ABHD17C: variants seen among roughly 807,000 people sequenced by gnomAD.
The protein encoded by ABHD17C is alpha/beta hydrolase domain-containing protein 17C.
A neutral mutation model predicts 27.9 loss-of-function variants in ABHD17C; 11 were observed. The ratio of observed to expected loss-of-function variants is 0.39; its 90% confidence interval spans 0.25 to 0.65. ABHD17C has a LOEUF of 0.65. Ranked by LOEUF, ABHD17C falls within the 30% of genes least tolerant of loss-of-function variation. The pLI is 0.45. For missense variants in ABHD17C, 280 were observed against 470.2 expected (o/e 0.60, Z 3.74); for synonymous variants, 233 against 209.1 (o/e 1.11, Z -0.98).
chr15:80,707,281 T>G (rs7180491), intron 1 of ABHD17C, among the ~76,000 whole-genome samples: 233 of 152,304 alleles, frequency 1.5e-3, no homozygotes, highest in African/African-American at 5.1e-3. Context: ...TCAATGGACT[T>G]GAAGAACATA....
intron 1 of ABHD17C, 24 bp from the exon 2 acceptor site, chr15:80,749,489 G>A: frequency 6.2e-7 from 1 of 1,609,760 alleles, no homozygotes; most frequent in Non-Finnish European, 8.5e-7. Flanking sequence ...TTAGCTAATG[G>A]CATACAACCT....
intron 1 of ABHD17C, among the ~76,000 whole-genome samples, chr15:80,739,805 G>A (rs534426441): frequency 1.5e-4 from 23 of 152,298 alleles, no homozygotes; most frequent in African/African-American, 5.3e-4. Flanking sequence ...GACCAATACA[G>A]CCCCTGTTGT....
chr15:80,754,317 C>A lies in ABHD17C; in HGVS notation c.937C>A (p.Gln313Lys). Residue 313 changes from glutamine to lysine, a missense_variant, in exon 3 of 3, where the codon CAA becomes AAA. Coordinates refer to ENST00000258884, the MANE Select transcript of ABHD17C (RefSeq NM_021214.2). The stretch of plus-strand genomic sequence containing the variant: ...GCATAATGACATAGAGCTTTATGCA[C>A]AATACCTAGAAAGACTAAAACAGTT... ...AGHNDIELYAQYLERLKQFIS... is the reference protein window; with the variant it reads ...AGHNDIELYAKYLERLKQFIS... 6.2e-7 allele frequency: 1 copy of A among 1,613,914 alleles called. No individual in the cohort carries two copies. The highest frequency in any genetic ancestry group is 8.5e-7 in the Non-Finnish European group (1 of 1,179,862).
intron 1 of ABHD17C, among the ~76,000 whole-genome samples, chr15:80,713,900 CCACACA>C (rs58311304): frequency 0.1 from 14,145 of 141,064 alleles, 1,143 homozygotes; most frequent in East Asian, 0.48. Context: ...CATATACAGA[CCACACA>C]CACACACACA....
chr15:80,706,713 T>C (rs1302885920), intron 1 of ABHD17C, among the ~76,000 whole-genome samples: 1 of 152,202 alleles, frequency 6.6e-6, no homozygotes, highest in Non-Finnish European at 1.5e-5. Context: ...TGGACATAAC[T>C]AAACCCTGTG....
intron 1 of ABHD17C, among the ~76,000 whole-genome samples, chr15:80,706,109 C>A (rs1361617914): frequency 6.6e-6 from 1 of 152,234 alleles, no homozygotes; most frequent in Non-Finnish European, 1.5e-5. Flanking sequence ...ATAGAGTTAA[C>A]CTTCCCTTTT....
chr15:80,698,454 C>G (rs920545345), intron 1 of ABHD17C, among the ~76,000 whole-genome samples: 2 of 152,146 alleles, frequency 1.3e-5, no homozygotes, highest in African/African-American at 4.8e-5. Flanking sequence ...ACACGTTCAC[C>G]CAGCTCATCT....
chr15:80,754,173 A>T lies in ABHD17C; in HGVS notation c.793A>T (p.Thr265Ser), dbSNP rs1232141818. The T allele has an allele frequency of 5.0e-6, 8 of 1,613,582 alleles. No individual in the cohort carries two copies. Among genetic ancestry groups the T allele is most frequent in the Non-Finnish European group, 6.8e-6 (8 of 1,179,810 alleles). Residue 265 changes from threonine (T) to serine (S), a missense_variant, in exon 3 of 3, where the codon ACC becomes TCC. Around this residue, in one of 2 missense-constraint regions of ABHD17C, gnomAD observed 206 missense variants for 394.7 expected, o/e 0.52. Coordinates refer to ENST00000258884, the MANE Select transcript of ABHD17C (RefSeq NM_021214.2). ...CAGCATTGACAAGATATCTAAAGTC[A>T]CCTCTCCTGTGTTGGTCATTCATGG... Reference protein sequence around the residue: ...FPSIDKISKVTSPVLVIHGTE... With the variant: ...FPSIDKISKVSSPVLVIHGTE...
At position 80,698,552 on chromosome 15, in the gene ABHD17C, G is replaced by T. The variant is rs914819835; in HGVS notation, c.590+2533G>T. Among the ~76,000 whole-genome samples the T allele has an allele frequency of 7.2e-5, 11 of 152,270 alleles. 1 individual carries two copies. Among genetic ancestry groups the T allele is most frequent in the East Asian group, 1.9e-4 (1 of 5,184 alleles). On this transcript the variant is annotated intron_variant, in intron 1 of 2. Transcript: ENST00000258884. ...TGCGAGGGCACCATTGCCACGGTAA[G>T]CATATTTATCAGATTCTTCAGGAGG...
chr15:80,724,562 C>T (rs1226634285), intron 1 of ABHD17C, among the ~76,000 whole-genome samples: 1 of 26,632 alleles, frequency 3.8e-5, no homozygotes, highest in Non-Finnish European at 9.8e-5. Context: ...GATAAATTCT[C>T]ATAAGGAAAA....
intron 1 of ABHD17C, among the ~76,000 whole-genome samples, chr15:80,733,151 A>T (rs889596022): frequency 3.3e-5 from 5 of 151,562 alleles, no homozygotes; most frequent in Non-Finnish European, 7.4e-5. Flanking sequence ...TGCAGAGCGT[A>T]CTCTTCTTTC....
At chr15:80,702,868 C>G (rs577256688) in intron 1 of ABHD17C, 16 of 152,226 alleles carry the variant, frequency 1.1e-4, no homozygotes, top group African/African-American at 3.6e-4. Flanking sequence ...AATAGGCTTT[C>G]TAATTTCATC....
chr15:80,728,361 CAG>C (rs1895012113), intron 1 of ABHD17C, among the ~76,000 whole-genome samples: 4 of 152,182 alleles, frequency 2.6e-5, no homozygotes, highest in African/African-American at 7.2e-5. Context: ...TATTCACACA[CAG>C]ATGAGACCTC....
chr15:80,726,656 G>C (rs1894983643), intron 1 of ABHD17C, among the ~76,000 whole-genome samples: 1 of 151,748 alleles, frequency 6.6e-6, no homozygotes, highest in East Asian at 1.9e-4. Context: ...GGGACTACAG[G>C]CACCCACCAC....
chr15:80,753,572 C>G (rs1434042362), intron 2 of ABHD17C, among the ~76,000 whole-genome samples: 1 of 152,046 alleles, frequency 6.6e-6, no homozygotes, highest in Non-Finnish European at 1.5e-5. Context: ...GACAGAGTCT[C>G]ACTCTGTTGC....
chr15:80,744,508 A>G (rs1356942029), intron 1 of ABHD17C, among the ~76,000 whole-genome samples: 1 of 152,214 alleles, frequency 6.6e-6, no homozygotes, highest in Non-Finnish European at 1.5e-5. Flanking sequence ...TTATTGTCCA[A>G]CAGTATAGTA....
chr15:80,728,988 T>C (rs910609628), intron 1 of ABHD17C, among the ~76,000 whole-genome samples: 1 of 152,238 alleles, frequency 6.6e-6, no homozygotes, highest in Non-Finnish European at 1.5e-5. Context: ...ATGAAACGAA[T>C]TGGCAAGACT....
intron 1 of ABHD17C, among the ~76,000 whole-genome samples, chr15:80,746,533 A>G (rs1420817333): frequency 1.3e-5 from 2 of 151,992 alleles, no homozygotes. Flanking sequence ...ATGTGAGTCC[A>G]TTGGAATCAA....
intron 1 of ABHD17C, among the ~76,000 whole-genome samples, chr15:80,698,650 A>G (rs1157438151): frequency 1.3e-5 from 2 of 152,094 alleles, no homozygotes; most frequent in African/African-American, 4.8e-5. Flanking sequence ...CCCCTCAACC[A>G]CTTTCCTCTT....
Sources: allele counts gnomAD v4.1 joint callset (sites outside exome capture counted in the v4.1 genomes callset), GRCh38; gene constraint gnomAD v4.1.1; regional missense constraint gnomAD v4.1.1; transcripts MANE v1.5; gene names NCBI Gene and HGNC (gene_info 2026-07-23, HGNC 2026-07-21).